GRM5: variants seen among roughly 807,000 people sequenced by gnomAD.
GRM5 encodes glutamate metabotropic receptor 5.
Under a neutral mutation model 83.1 loss-of-function variants are expected in GRM5, and 19 were observed. The ratio of observed to expected loss-of-function variants is 0.23; its 90% confidence interval spans 0.16 to 0.34. The LOEUF (loss-of-function observed/expected upper bound fraction) is 0.34. Among genes scored for constraint, GRM5 ranks in the 10% least tolerant of loss-of-function variants. The pLI is 1.00. For missense variants in GRM5, 1,160 were observed against 1,588.3 expected, an observed-to-expected ratio of 0.73 and a Z score of 4.58; for synonymous variants, 675 against 633.6, an observed-to-expected ratio of 1.07 and a Z score of -0.98.
intron 2 of GRM5, among the ~76,000 whole-genome samples, chr11:88,938,333 C>CA (rs1336905934): frequency 2.0e-5 from 3 of 151,520 alleles, no homozygotes; most frequent in African/African-American, 4.8e-5. Context: ...TGTTTTAAAG[C>CA]AATACATTGT....
At chr11:88,599,809 C>T (rs376421262) in intron 5 of GRM5, among the ~76,000 whole-genome samples, 2 of 151,884 alleles carry the variant, frequency 1.3e-5, no homozygotes, top group African/African-American at 4.8e-5. Context: ...GTCAGGAGAT[C>T]GAGACCATCC....
chr11:88,997,970 T>C (rs1001851835), intron 2 of GRM5, among the ~76,000 whole-genome samples: 3 of 151,598 alleles, frequency 2.0e-5, no homozygotes, highest in African/African-American at 4.9e-5. Context: ...AGTACATTCA[T>C]GATACCAAAA....
intron 2 of GRM5, among the ~76,000 whole-genome samples, chr11:88,914,014 AG>A (rs1368710098): frequency 6.6e-6 from 1 of 152,166 alleles, no homozygotes; most frequent in African/African-American, 2.4e-5. Flanking sequence ...TTCCTTTCGT[AG>A]AACCATCTTC....
At chr11:89,009,929 A>AT (rs1555059719) in intron 2 of GRM5, among the ~76,000 whole-genome samples, 1 of 102,334 alleles carries the variant, frequency 9.8e-6, no homozygotes, top group Non-Finnish European at 1.9e-5. Context: ...AAAAAAAAAA[A>AT]ACACACACAA....
Position 88,567,216 on chromosome 11 carries a change from A to G in GRM5, c.2467T>C (p.Tyr823His), listed in dbSNP as rs1942895774. ...CTCTCTGGTTTGGCCAGGATGATGTACACCTTCGGCACAAACATGCAGCCT... is the reference window on the plus strand; with the variant it reads ...CTCTCTGGTTTGGCCAGGATGATGTGCACCTTCGGCACAAACATGCAGCCT... Reference protein sequence around the residue: ...ALGCMFVPKVYIILAKPERNV... With the variant: ...ALGCMFVPKVHIILAKPERNV... Residue 823 changes from tyrosine (Y) to histidine (H), a missense_variant, in exon 8 of 10, where the codon TAC becomes CAC. Tyr to His is a moderately conservative substitution (Grantham distance 83). This residue lies in a region of GRM5 where 66 missense variants were observed against 138.6 expected (regional missense o/e 0.48). Coordinates refer to ENST00000305447, the MANE Select transcript of GRM5 (RefSeq NM_001143831.3). The surrounding 1 kb of genome is among the most constrained non-coding windows in gnomAD (Gnocchi z 7.3). 6.2e-7 allele frequency: 1 copy of G among 1,614,130 alleles called. No homozygotes were observed. The highest frequency in any genetic ancestry group is 8.5e-7 in the Non-Finnish European group (1 of 1,180,000).
chr11:88,996,918 A>C (rs192931844), intron 2 of GRM5, among the ~76,000 whole-genome samples: 59 of 152,378 alleles, frequency 3.9e-4, no homozygotes, highest in Non-Finnish European at 4.4e-4. Context: ...AGGAAGTATC[A>C]AGATAGAACT....
At chr11:88,915,331 T>G (rs1337544646) in intron 2 of GRM5, among the ~76,000 whole-genome samples, 1 of 152,110 alleles carries the variant, frequency 6.6e-6, no homozygotes, top group African/African-American at 2.4e-5. Context: ...CAACCATCTT[T>G]TGTTGTTGAA....
intron 2 of GRM5, among the ~76,000 whole-genome samples, chr11:88,871,779 T>G: frequency 6.6e-6 from 1 of 151,500 alleles, no homozygotes; most frequent in East Asian, 1.9e-4. Context: ...AATTTATAGG[T>G]GTTGAACAAA....
chr11:88,636,823 G>A (rs1253147058), intron 4 of GRM5, among the ~76,000 whole-genome samples: 2 of 152,074 alleles, frequency 1.3e-5, no homozygotes, highest in African/African-American at 2.4e-5. Flanking sequence ...TTTCCCCATT[G>A]CTTGTTTTTC....
At chr11:88,970,648 T>A (rs1259981327) in intron 2 of GRM5, among the ~76,000 whole-genome samples, 1 of 152,210 alleles carries the variant, frequency 6.6e-6, no homozygotes, top group Non-Finnish European at 1.5e-5. Context: ...GAGAACAGCA[T>A]GTCAGGGCCC....
chr11:88,932,690 T>C (rs1937754528), intron 2 of GRM5, among the ~76,000 whole-genome samples: 2 of 151,148 alleles, frequency 1.3e-5, no homozygotes, highest in Admixed American at 6.6e-5. Context: ...TTTGGTAATT[T>C]AAAAATCATT....
At position 89,034,716 on chromosome 11, in the gene GRM5, G is replaced by C. The variant is rs187289529; in HGVS notation, c.661+12496C>G. Among the ~76,000 whole-genome samples the C allele has an allele frequency of 1.8e-3, 266 of 151,672 alleles. 2 individuals are homozygous for C. Among genetic ancestry groups the C allele is most frequent in the Non-Finnish European group, 3.2e-3 (218 of 67,728 alleles). ...CTTTCATGGACTATATATTTGCATT[G>C]AAATGCAAATATCTGTATTTCATTG... On this transcript the variant is annotated intron_variant, in intron 2 of 9. Coordinates refer to ENST00000305447, the MANE Select transcript of GRM5 (RefSeq NM_001143831.3).
chr11:88,725,878 G>C (rs989745529), intron 3 of GRM5, among the ~76,000 whole-genome samples: 1 of 152,100 alleles, frequency 6.6e-6, no homozygotes, highest in Non-Finnish European at 1.5e-5. Flanking sequence ...AACTCCATCT[G>C]AAGGTCACCA....
intron 2 of GRM5, among the ~76,000 whole-genome samples, chr11:89,032,109 T>A (rs890532360): frequency 2.0e-5 from 3 of 152,090 alleles, no homozygotes; most frequent in Non-Finnish European, 4.4e-5. Context: ...TGACTTGGTT[T>A]AAATAAATTA....
intron 2 of GRM5, among the ~76,000 whole-genome samples, chr11:88,982,967 G>A (rs1286426160): frequency 6.6e-6 from 1 of 152,222 alleles, no homozygotes; most frequent in Non-Finnish European, 1.5e-5. Context: ...TCAGGAAGCT[G>A]AAGCTGGAGA....
At chr11:88,607,946 C>G (rs925137070) in intron 4 of GRM5, among the ~76,000 whole-genome samples, 1 of 152,218 alleles carries the variant, frequency 6.6e-6, no homozygotes, top group Non-Finnish European at 1.5e-5. Context: ...GCTAGAAGAG[C>G]CTAGGCTCTG....
chr11:88,967,113 A>G (rs1018885003), intron 2 of GRM5, among the ~76,000 whole-genome samples: 3 of 151,954 alleles, frequency 2.0e-5, no homozygotes, highest in African/African-American at 7.3e-5. Context: ...AGACATTTTT[A>G]CACAGTGACA....
At chr11:88,659,374 G>A (rs1939846533) in intron 3 of GRM5, among the ~76,000 whole-genome samples, 1 of 152,102 alleles carries the variant, frequency 6.6e-6, no homozygotes, top group Non-Finnish European at 1.5e-5. Context: ...ATATGCAACT[G>A]GCTTGAATGT....
chr11:88,818,874 T>A (rs1302552904), intron 3 of GRM5, among the ~76,000 whole-genome samples: 1 of 152,192 alleles, frequency 6.6e-6, no homozygotes, highest in East Asian at 1.9e-4. Flanking sequence ...GTTGTTATGG[T>A]TGGACAGAAC....
Sources: gnomAD v4.1 joint callset for allele counts (sites outside exome capture counted in the v4.1 genomes callset) on GRCh38, gnomAD v4.1.1 for gene constraint, gnomAD v4.1.1 regional missense constraint, Gnocchi (gnomAD v3.1) non-coding constraint, MANE v1.5 for transcripts, NCBI Gene and HGNC (gene_info 2026-07-23, HGNC 2026-07-21) for gene names.